The following FAM120A variants were observed in gnomAD, a reference collection of about 807,000 sequenced individuals.
FAM120A encodes the protein constitutive coactivator of PPAR-gamma-like protein 1.
In FAM120A, 15 loss-of-function variants were observed where a neutral mutation model predicts 109.7. That is an observed-to-expected ratio of 0.14 (90% confidence interval 0.09 to 0.21). FAM120A has a LOEUF of 0.21. Ranked by LOEUF, FAM120A falls within the 10% of genes least tolerant of loss-of-function variation. FAM120A has a pLI of 1.00. For missense variants in FAM120A, 899 were observed against 1,439.3 expected, an observed-to-expected ratio of 0.62 and a Z score of 6.07; for synonymous variants, 493 against 572.8, an observed-to-expected ratio of 0.86 and a Z score of 1.99.
intron 3 of FAM120A, 69 bp from the exon 4 acceptor site, chr9:93,497,402 C>T: frequency 6.3e-7 from 1 of 1,580,472 alleles, no homozygotes; most frequent in Non-Finnish European, 8.6e-7. Context: ...ATTTCTGGCT[C>T]CTGCATTCAG....
chr9:93,511,713 T>C (rs762497695), intron 5 of FAM120A, among the ~76,000 whole-genome samples: 4 of 152,260 alleles, frequency 2.6e-5, no homozygotes, highest in Non-Finnish European at 4.4e-5. Context: ...AGGGATTATA[T>C]TGATTTGTTT....
chr9:93,459,804 A>G (rs1857709798), intron 1 of FAM120A, among the ~76,000 whole-genome samples: 1 of 152,220 alleles, frequency 6.6e-6, no homozygotes, highest in South Asian at 2.1e-4. Context: ...GGATGCTGCC[A>G]AACATTCTAC....
intron 7 of FAM120A, among the ~76,000 whole-genome samples, chr9:93,524,820 T>C (rs1312576247): frequency 6.6e-6 from 1 of 152,188 alleles, no homozygotes; most frequent in African/African-American, 2.4e-5. Flanking sequence ...CGCCACAGGC[T>C]TCCTGCACAG....
Position 93,551,467 on chromosome 9 carries a change from A to G in FAM120A, c.2274+776A>G, listed in dbSNP as rs144545145. Among the ~76,000 whole-genome samples the G allele has an allele frequency of 8.3e-3, 1,269 of 152,158 alleles. 9 individuals carry two copies. The highest frequency in any genetic ancestry group is 0.028 in the African/African-American group (1,174 of 41,516). On this transcript the variant is annotated intron_variant, in intron 12 of 17. Transcript: ENST00000277165. ...TTAGTAGATCAGCCTTTTCTTTTCA[A>G]TGTATAGGGTTTTGTTTTTTTCTTT... is the stretch of plus-strand genomic sequence containing the variant.
chr9:93,460,952 G>C (rs1313945222), intron 1 of FAM120A, among the ~76,000 whole-genome samples: 2 of 152,180 alleles, frequency 1.3e-5, no homozygotes, highest in African/African-American at 4.8e-5. Context: ...ATGGGTGACT[G>C]CTTCAGGAAA....
chr9:93,474,194 T>C (rs1487195752), intron 2 of FAM120A, among the ~76,000 whole-genome samples: 1 of 152,186 alleles, frequency 6.6e-6, no homozygotes, highest in African/African-American at 2.4e-5. Context: ...GTTGTTGTTG[T>C]TGTTGTTTTT....
chr9:93,557,954 AC>A lies in FAM120A; in HGVS notation c.2617del (p.Arg873GlyfsTer30). On this transcript the variant is annotated frameshift_variant, in exon 14 of 18. Transcript: ENST00000277165. LOFTEE classifies it high-confidence loss of function. Reference protein sequence around the residue: ...PALPFYPASAYPRHFGPVPPS... With the variant: ...PALPFYPASAXPRHFGPVPPS... Reference sequence around the variant, plus strand: ...CTGCCCTTCTACCCTGCCTCTGCGTACCCCCGGCACTTTGGGCCTGTCCCAC... The same window carrying A: ...CTGCCCTTCTACCCTGCCTCTGCGTACCCCGGCACTTTGGGCCTGTCCCAC... 2 of 1,605,148 alleles carry A rather than the reference AC, an allele frequency of 1.2e-6. No individual in the cohort carries two copies.
chr9:93,462,373 CG>C (rs1857832031), intron 1 of FAM120A, among the ~76,000 whole-genome samples: 1 of 117,400 alleles, frequency 8.5e-6, no homozygotes, highest in South Asian at 2.2e-4. Flanking sequence ...CTCTGCCTCC[CG>C]GGTGCAAGCA....
chr9:93,485,119 C>T (rs1858985044), intron 3 of FAM120A, among the ~76,000 whole-genome samples: 1 of 152,128 alleles, frequency 6.6e-6, no homozygotes, highest in Non-Finnish European at 1.5e-5. Context: ...TATGTCTTCC[C>T]CCTCCACTCA....
intron 3 of FAM120A, among the ~76,000 whole-genome samples, chr9:93,484,346 TG>T (rs540066730): frequency 7.1e-4 from 108 of 152,250 alleles, no homozygotes; most frequent in African/African-American, 2.5e-3. Context: ...GCTCCTCCCA[TG>T]GAGTGAGTGG....
At chr9:93,462,595 G>A (rs983517738) in intron 1 of FAM120A, among the ~76,000 whole-genome samples, 1 of 152,138 alleles carries the variant, frequency 6.6e-6, no homozygotes, top group Non-Finnish European at 1.5e-5. Flanking sequence ...GTGGCATTAA[G>A]TATATTCACA....
chr9:93,562,417 T>C (rs1862498906), intron 17 of FAM120A, 113 bp downstream of exon 17: 2 of 761,976 alleles, frequency 2.6e-6, no homozygotes, highest in Admixed American at 4.3e-5. Flanking sequence ...GGGTAATGCT[T>C]TAGCTGTCAA....
At position 93,529,520 on chromosome 9, in the gene FAM120A, G is replaced by A; in HGVS notation, c.1674G>A (p.Val558=). 6.2e-7 allele frequency: 1 copy of A among 1,614,224 alleles called. No homozygotes were observed. Among genetic ancestry groups the A allele is most frequent in the Non-Finnish European group, 8.5e-7 (1 of 1,180,022 alleles). ...CCGTCGCACCTGAGGTGCTGAGAGT[G>A]GCCGAGCACAGGCACAAGAAGGGGC... The part of the protein sequence containing the change: ...LPPVAPEVLR[V]AEHRHKKGLM... The change falls in exon 9 of 18, where the codon GTG becomes GTA. Residue 558 remains valine (V), a synonymous_variant. Transcript: ENST00000277165.
chr9:93,503,526 G>T (rs1017249591), intron 5 of FAM120A, among the ~76,000 whole-genome samples: 1 of 152,162 alleles, frequency 6.6e-6, no homozygotes, highest in African/African-American at 2.4e-5. Context: ...ATCTGGAAAA[G>T]GCCAAAAGTA....
At chr9:93,553,812 G>C (rs938214518) in intron 12 of FAM120A, among the ~76,000 whole-genome samples, 1 of 152,048 alleles carries the variant, frequency 6.6e-6, no homozygotes, top group South Asian at 2.1e-4. Flanking sequence ...TTTAGAGATG[G>C]CAGTGAGATA....
intron 3 of FAM120A, among the ~76,000 whole-genome samples, chr9:93,495,184 A>T (rs759338316): frequency 8.5e-5 from 13 of 152,188 alleles, no homozygotes; most frequent in Middle Eastern, 3.2e-3. Context: ...ACAACTGACC[A>T]CTTAGAACCC....
chr9:93,502,219 G>A (rs1180453670), intron 5 of FAM120A, among the ~76,000 whole-genome samples: 1 of 152,074 alleles, frequency 6.6e-6, no homozygotes, highest in African/African-American at 2.4e-5. Context: ...TGGAATATGT[G>A]TAGAGTTTTG....
At chr9:93,454,339 T>C (rs973388569) in intron 1 of FAM120A, among the ~76,000 whole-genome samples, 10 of 152,188 alleles carry the variant, frequency 6.6e-5, no homozygotes, top group Non-Finnish European at 1.5e-5. Context: ...TTTTGAAAAG[T>C]GCCTAAGAGA....
chr9:93,464,102 G>C (rs922684974), intron 1 of FAM120A, among the ~76,000 whole-genome samples: 1 of 152,204 alleles, frequency 6.6e-6, no homozygotes, highest in African/African-American at 2.4e-5. Flanking sequence ...CCTCATTGTA[G>C]AGTGTTTTTT....
Sources: gnomAD v4.1 joint callset for allele counts (sites outside exome capture counted in the v4.1 genomes callset) on GRCh38, gnomAD v4.1.1 for gene constraint, MANE v1.5 for transcripts, NCBI Gene and HGNC (gene_info 2026-07-23, HGNC 2026-07-21) for gene names.